Variants in HK3 observed in about 807,000 individuals in gnomAD.
The protein encoded by HK3 is hexokinase-3.
In HK3, 93 loss-of-function variants were observed where a neutral mutation model predicts 91.0. The observed-to-expected ratio is 1.02, with a 90% confidence interval of 0.86 to 1.21. The LOEUF (loss-of-function observed/expected upper bound fraction) is 1.21. Ranked by LOEUF, HK3 falls within the 50% of genes most tolerant of loss-of-function variation. The probability of loss-of-function intolerance (pLI) is 0.00; values close to 1 mark genes in which losing one functional copy is unlikely to be tolerated. For synonymous variants in HK3, 519 were observed against 516.9 expected (o/e 1.00, Z -0.06); for missense variants, 1,235 against 1,247.4 (o/e 0.99, Z 0.15).
In HK3 at chr5:176,896,061, T is replaced by G; in HGVS notation, c.96+3A>C. 6.2e-7 allele frequency: 1 copy of G among 1,612,556 alleles called. No individual in the cohort carries two copies. Among genetic ancestry groups the G allele is most frequent in the Non-Finnish European group, 8.5e-7 (1 of 1,178,652 alleles). ...TGAAACAGGAACCCAGTGCTGAACT[T>G]ACCAGCTCTGAGCTGTCTGAGGGCC... On this transcript the variant is annotated splice_donor_region_variant and intron_variant, in intron 2 of 18. Coordinates refer to ENST00000292432, the MANE Select transcript of HK3 (RefSeq NM_002115.3).
rs61755710 is a variant in HK3 at position 176,881,736 on chromosome 5, C to A, written c.2349G>T (p.Gln783His). ...LFRGQQIQRL[Q>H]TRDIFKTKFL... is the part of the protein sequence containing the mutation. ...ACTTGGTCTTGAAGATGTCCCTGGT[C>A]TGAAGGCGCTGGATCTGCTGGCCCC... The change falls in exon 17 of 19, where the codon CAG (glutamine) becomes CAT (histidine). Residue 783 changes from glutamine (Q) to histidine (H), a missense_variant. Physicochemically the swap from Gln to His is conservative, Grantham distance 24. Transcript: ENST00000292432. The A allele has an allele frequency of 1.9e-5, 31 of 1,614,074 alleles. No individual in the cohort carries two copies. The African/African-American group carries it at 3.9e-4, about 20-fold the overall frequency.
At position 176,889,421 on chromosome 5, in the gene HK3, G is replaced by A. The variant is rs1421006838; in HGVS notation, c.874C>T (p.His292Tyr). 3.1e-6 allele frequency: 5 copies of A among 1,614,202 alleles called. No individual in the cohort carries two copies. The highest frequency in any genetic ancestry group is 3.4e-6 in the Non-Finnish European group (4 of 1,180,032). Residue 292 changes from histidine to tyrosine, a missense_variant, in exon 8 of 19, where the codon CAT (histidine) becomes TAT (tyrosine). Physicochemically the swap from His to Tyr is moderately conservative, Grantham distance 83 (BLOSUM62 2). Coordinates refer to ENST00000292432, the MANE Select transcript of HK3 (RefSeq NM_002115.3). Reference sequence around the variant, plus strand: ...TTCAGGGACTCATGGTCCAGGGTATGGTCGAAGGTGGTCAGCACTGGTCCC... The same window carrying A: ...TTCAGGGACTCATGGTCCAGGGTATAGTCGAAGGTGGTCAGCACTGGTCCC... ...ALGPVLTTFD[H>Y]TLDHESLNPG...
intron 2 of HK3, among the ~76,000 whole-genome samples, chr5:176,893,802 T>A (rs1758839149): frequency 6.6e-6 from 1 of 152,174 alleles, no homozygotes; most frequent in Non-Finnish European, 1.5e-5. Flanking sequence ...CCCTGGCAGA[T>A]CCTGGTGAGG....
chr5:176,889,886 G>GA (rs1758720093), intron 6 of HK3, 142 bp from the exon 7 acceptor site: 1 of 682,734 alleles, frequency 1.5e-6, no homozygotes, highest in African/African-American at 1.8e-5. Context: ...ACACACATTT[G>GA]TGCCACAGAT....
In HK3 at chr5:176,881,237, G is replaced by T; in HGVS notation, c.2628-20C>A. On this transcript the variant is annotated intron_variant, in intron 18 of 18. Transcript: ENST00000292432. ...GAGAAGCTGTGAGAGGAGGGCTGAG[G>T]TGAGCCCAGGCCACCAGCCCCACCT... is the stretch of plus-strand genomic sequence containing the variant. The T allele has an allele frequency of 6.2e-7, 1 of 1,613,122 alleles. No homozygotes were observed. The highest frequency in any genetic ancestry group is 8.5e-7 in the Non-Finnish European group (1 of 1,179,894).
chr5:176,891,627 G>C (rs1317540835), intron 2 of HK3, 77 bp from the exon 3 acceptor site: 1 of 1,455,150 alleles, frequency 6.9e-7, no homozygotes. Flanking sequence ...ACAAGGCAGA[G>C]GCCTGCCCTG....
rs1353869191 is a variant in HK3, at chr5:176,881,056, T to C, written c.*17A>G. On this transcript the variant is annotated 3_prime_UTR_variant, in exon 19 of 19. Coordinates refer to ENST00000292432, the MANE Select transcript of HK3 (RefSeq NM_002115.3). ...CAGCAAGGCTGCGGCGGAGACCTCC[T>C]CAGCCTGGAGGTTTCCTCAGACACG... is the stretch of plus-strand genomic sequence containing the variant. The C allele has an allele frequency of 1.9e-6, 3 of 1,581,294 alleles. No homozygotes were observed. The highest frequency in any genetic ancestry group is 2.6e-6 in the Non-Finnish European group (3 of 1,163,756).
rs576802553 is a variant in HK3, at chr5:176,895,367, G to A, written c.96+697C>T. ...GCTGGGATTACAGGCGTGAGCCACCGCGCCCGGCCATAGGCAAGTCCTTTA... is the reference window on the plus strand; with the variant it reads ...GCTGGGATTACAGGCGTGAGCCACCACGCCCGGCCATAGGCAAGTCCTTTA... On this transcript the variant is annotated intron_variant, in intron 2 of 18. Transcript: ENST00000292432. Among the ~76,000 whole-genome samples the A allele has an allele frequency of 3.3e-5, 5 of 152,306 alleles. No homozygotes were observed. In the South Asian group the frequency reaches 8.3e-4, roughly 25 times the overall value.
At chr5:176,891,016 G>A in intron 4 of HK3, 21 bp downstream of exon 4, 1 of 1,613,868 alleles carries the variant, frequency 6.2e-7, no homozygotes, top group South Asian at 1.1e-5. Flanking sequence ...AGACCCCAGA[G>A]GCTGGGCAGT....
chr5:176,890,229 G>A (rs1758729715), intron 6 of HK3, among the ~76,000 whole-genome samples: 1 of 152,150 alleles, frequency 6.6e-6, no homozygotes, highest in African/African-American at 2.4e-5. Context: ...CTGACTTGAA[G>A]GGAGGCAAAC....
intron 13 of HK3, among the ~76,000 whole-genome samples, chr5:176,886,265 G>A (rs990945906): frequency 9.9e-5 from 15 of 151,960 alleles, no homozygotes; most frequent in African/African-American, 3.6e-4. Flanking sequence ...TCAGAGAGAG[G>A]TCAGAGCAGG....
chr5:176,885,831 A>G (rs1758572097), intron 13 of HK3, among the ~76,000 whole-genome samples: 1 of 151,876 alleles, frequency 6.6e-6, no homozygotes, highest in African/African-American at 2.4e-5. Flanking sequence ...ACATCTTACA[A>G]GGAATAATCA....
rs1758667553 is a variant in HK3, at chr5:176,888,585, G to T, written c.1071-20C>A. The T allele has an allele frequency of 1.3e-6, 2 of 1,589,160 alleles. No individual in the cohort carries two copies. The highest frequency in any genetic ancestry group is 2.7e-5 in the African/African-American group (2 of 74,096). On this transcript the variant is annotated intron_variant, in intron 9 of 18. Coordinates refer to ENST00000292432, the MANE Select transcript of HK3 (RefSeq NM_002115.3). ...GAGGGGCTGGAGGGGAAAGGGAAGT[G>T]GTTTGGGGCTCAGCCCAGAAGCTCC...
intron 3 of HK3, 32 bp downstream of exon 3, chr5:176,891,356 C>T (rs898210889): frequency 6.2e-7 from 1 of 1,609,330 alleles, no homozygotes; most frequent in African/African-American, 1.3e-5. Context: ...CTCTTCCAGG[C>T]CTGGCCACGC....
Position 176,890,627 on chromosome 5 carries a change from C to T in HK3, c.630+8G>A. 1 of 1,613,426 alleles carries T rather than the reference C, an allele frequency of 6.2e-7. No individual in the cohort carries two copies. Among genetic ancestry groups the T allele is most frequent in the South Asian group, 1.1e-5 (1 of 91,070 alleles). ...GGCAGCCCTCCTGTCACCCCTCCCT[C>T]CACTCACCCCCTGCCTCCGAATGGC... is the stretch of plus-strand genomic sequence containing the variant. On this transcript the variant is annotated splice_region_variant and intron_variant, in intron 6 of 18. Coordinates refer to ENST00000292432, the MANE Select transcript of HK3 (RefSeq NM_002115.3).
chr5:176,884,407 G>A lies in HK3; in HGVS notation c.1858-273C>T, dbSNP rs763798102. 1.8e-4 allele frequency among the ~76,000 whole-genome samples: 28 copies of A among 152,300 alleles called. No individual in the cohort carries two copies. The highest frequency in any genetic ancestry group is 3.9e-4 in the East Asian group (2 of 5,190). ...TCAGAGGGTCTGGCCATTTTAAGACGTGTGCCCGGAAGGAATGGCCCTTTG... is the reference window on the plus strand; with the variant it reads ...TCAGAGGGTCTGGCCATTTTAAGACATGTGCCCGGAAGGAATGGCCCTTTG... On this transcript the variant is annotated intron_variant, in intron 13 of 18. Coordinates refer to ENST00000292432, the MANE Select transcript of HK3 (RefSeq NM_002115.3). This position sits in a 1 kb window ranked among gnomAD's most constrained non-coding sequence, Gnocchi z 4.1.
chr5:176,896,645 G>A (rs1758916330), intron 1 of HK3, among the ~76,000 whole-genome samples: 1 of 152,156 alleles, frequency 6.6e-6, no homozygotes, highest in Admixed American at 6.5e-5. Flanking sequence ...AACAAAGAGG[G>A]AACCAAAGAC....
intron 16 of HK3, 26 bp from the exon 17 acceptor site, chr5:176,881,873 A>C: frequency 1.2e-6 from 2 of 1,603,506 alleles, no homozygotes; most frequent in Non-Finnish European, 8.5e-7. Flanking sequence ...TGCACTCGGC[A>C]GAAGGCCCCA....
intron 6 of HK3, 99 bp from the exon 7 acceptor site, chr5:176,889,843 A>G (rs1758718542): frequency 2.2e-6 from 2 of 916,986 alleles, no homozygotes; most frequent in East Asian, 4.9e-5. Context: ...TGAAGGAGAT[A>G]CATAGAGTCC....
Sources: gnomAD v4.1 joint callset for allele counts (sites outside exome capture counted in the v4.1 genomes callset) on GRCh38, gnomAD v4.1.1 for gene constraint, Gnocchi (gnomAD v3.1) non-coding constraint, MANE v1.5 for transcripts, NCBI Gene and HGNC (gene_info 2026-07-23, HGNC 2026-07-21) for gene names.